The following CCM2 variants were observed in gnomAD, a reference collection of about 807,000 sequenced individuals.
CCM2 encodes the protein cerebral cavernous malformations 2 protein.
CCM2 carries 25 observed loss-of-function variants against 44.9 expected under a neutral mutation model. That is an observed-to-expected ratio of 0.56 (90% CI 0.41 to 0.78). CCM2 has a LOEUF of 0.78. Among genes scored for constraint, CCM2 ranks in the 30% least tolerant of loss-of-function variants. The probability of loss-of-function intolerance (pLI) is 0.00; values close to 1 mark genes in which losing one functional copy is unlikely to be tolerated. For missense variants in CCM2, 481 were observed against 580.6 expected (o/e 0.83, Z 1.76); for synonymous variants, 219 against 241.1 (o/e 0.91, Z 0.85).
intron 3 of CCM2, 39 bp from the exon 4 acceptor site, chr7:45,064,424 G>T (rs754271600): frequency 1.2e-6 from 2 of 1,606,510 alleles, no homozygotes; most frequent in South Asian, 1.1e-5. Context: ...CCGGTTGACA[G>T]CTGAGTCTGT....
intron 2 of CCM2, among the ~76,000 whole-genome samples, chr7:45,050,636 C>G (rs1194420199): frequency 6.6e-6 from 1 of 152,164 alleles, no homozygotes. Flanking sequence ...TTCAAATGGT[C>G]AAAAGTCAGG....
intron 1 of CCM2, among the ~76,000 whole-genome samples, chr7:45,012,184 A>G (rs1796092547): frequency 7.3e-6 from 1 of 136,364 alleles, no homozygotes; most frequent in East Asian, 2.1e-4. Context: ...CCCAGGCTGC[A>G]GTGTAGTGCT....
At chr7:45,039,092 CA>C (rs1173703306) in intron 2 of CCM2, among the ~76,000 whole-genome samples, 1 of 152,066 alleles carries the variant, frequency 6.6e-6, no homozygotes, top group African/African-American at 2.4e-5. Flanking sequence ...ACCCAGAGTC[CA>C]GGGGGCTCAG....
chr7:45,008,916 T>G (rs1433246073), intron 1 of CCM2, among the ~76,000 whole-genome samples: 1 of 152,174 alleles, frequency 6.6e-6, no homozygotes, highest in East Asian at 1.9e-4. Context: ...GCTCCCCCTC[T>G]CACTTAGTAT....
At chr7:45,004,222 GATATTAA>G in intron 1 of CCM2, among the ~76,000 whole-genome samples, 1 of 152,250 alleles carries the variant, frequency 6.6e-6, no homozygotes, top group Admixed American at 6.5e-5. Context: ...TGTAGGACTA[GATATTAA>G]ATAATAAATA....
At chr7:45,005,769 A>G (rs6943774) in intron 1 of CCM2, among the ~76,000 whole-genome samples, 131,989 of 152,180 alleles carry the variant, frequency 0.87, 57,552 homozygotes, top group African/African-American at 0.96. Flanking sequence ...TAGAGACTAA[A>G]GGCAGACCTA....
At chr7:45,004,736 G>A (rs1024684798) in intron 1 of CCM2, among the ~76,000 whole-genome samples, 6 of 151,904 alleles carry the variant, frequency 3.9e-5, no homozygotes, top group African/African-American at 9.7e-5. Context: ...GGCCAGGTGC[G>A]GTGGCTCACA....
At chr7:45,043,602 C>G (rs1249013774) in intron 2 of CCM2, 2 of 314,274 alleles carry the variant, frequency 6.4e-6, no homozygotes, top group Admixed American at 5.0e-5. Context: ...GCACTCCAGC[C>G]TGGGTGATGG....
chr7:45,022,282 T>G (rs905257469), intron 1 of CCM2, among the ~76,000 whole-genome samples: 1 of 149,918 alleles, frequency 6.7e-6, no homozygotes, highest in Non-Finnish European at 1.5e-5. Context: ...TATTTTTTTT[T>G]GGACCAGCTT....
At chr7:45,011,369 G>C (rs1046089066) in intron 1 of CCM2, among the ~76,000 whole-genome samples, 2 of 151,784 alleles carry the variant, frequency 1.3e-5, no homozygotes, top group Non-Finnish European at 2.9e-5. Context: ...GCTAATTTTT[G>C]TATTTTTAGT....
intron 2 of CCM2, among the ~76,000 whole-genome samples, chr7:45,049,066 C>T (rs1262150151): frequency 6.6e-6 from 1 of 152,216 alleles, no homozygotes; most frequent in Admixed American, 6.5e-5. Context: ...AGGTGATCCT[C>T]TCACCTCAGC....
At chr7:45,069,752 G>C in intron 5 of CCM2, 74 bp from the exon 6 acceptor site, 1 of 1,596,088 alleles carries the variant, frequency 6.3e-7, no homozygotes, top group African/African-American at 1.3e-5. Context: ...GGCTGCCCCA[G>C]GTATCCTGGA....
In CCM2 at chr7:45,018,880, C is replaced by T. The variant is rs373962397; in HGVS notation, c.30+18517C>T. 3.0e-4 allele frequency among the ~76,000 whole-genome samples: 46 copies of T among 152,046 alleles called. 1 individual carries two copies. The South Asian group carries it at 8.3e-3, about 27-fold the overall frequency. On this transcript the variant is annotated intron_variant, in intron 1 of 9. Coordinates refer to ENST00000258781, the MANE Select transcript of CCM2 (RefSeq NM_031443.4). ...ATTCAAGTGATTCTCCTGCATCAGC[C>T]TCCCAAGTAGCTGGGATTACAGGCA...
At chr7:45,045,294 A>G (rs1797699247) in intron 2 of CCM2, among the ~76,000 whole-genome samples, 1 of 152,200 alleles carries the variant, frequency 6.6e-6, no homozygotes, top group Admixed American at 6.5e-5. Flanking sequence ...ATCACCTTGG[A>G]ACTTTTGTAT....
At chr7:45,006,760 T>C (rs1164720070) in intron 1 of CCM2, among the ~76,000 whole-genome samples, 2 of 152,150 alleles carry the variant, frequency 1.3e-5, no homozygotes, top group African/African-American at 4.8e-5. Flanking sequence ...GGAATGATCA[T>C]TGGAGGACTC....
At chr7:45,054,538 T>G (rs1798164794) in intron 2 of CCM2, among the ~76,000 whole-genome samples, 1 of 152,022 alleles carries the variant, frequency 6.6e-6, no homozygotes, top group East Asian at 1.9e-4. Context: ...AAGAATTTTC[T>G]GTTTAGAGCC....
At chr7:45,073,984 T>G in intron 8 of CCM2, 1 of 577,954 alleles carries the variant, frequency 1.7e-6, no homozygotes, top group Non-Finnish European at 3.0e-6. Context: ...CGGGCCAGGT[T>G]GCCAACTTCC....
At chr7:45,060,439 T>G (rs1333750791) in intron 2 of CCM2, among the ~76,000 whole-genome samples, 1 of 152,250 alleles carries the variant, frequency 6.6e-6, no homozygotes, top group African/African-American at 2.4e-5. Flanking sequence ...TACCTGCTTT[T>G]TACCGTTTCA....
At chr7:45,008,610 C>G (rs549395276) in intron 1 of CCM2, among the ~76,000 whole-genome samples, 2 of 151,976 alleles carry the variant, frequency 1.3e-5, no homozygotes, top group Non-Finnish European at 2.9e-5. Flanking sequence ...GATCCACCTA[C>G]CTCGGCCTCC....
Sources: gnomAD v4.1 joint callset for allele counts (sites outside exome capture counted in the v4.1 genomes callset) on GRCh38, gnomAD v4.1.1 for gene constraint, MANE v1.5 for transcripts, NCBI Gene and HGNC (gene_info 2026-07-23, HGNC 2026-07-21) for gene names.